Variants in VPS45 observed in about 807,000 individuals in gnomAD.
The protein encoded by VPS45 is vacuolar protein sorting-associated protein 45.
Under a neutral mutation model 75.9 loss-of-function variants are expected in VPS45, and 35 were observed. That is an observed-to-expected ratio of 0.46 (90% CI 0.35 to 0.61). The LOEUF (loss-of-function observed/expected upper bound fraction) is 0.61. Ranked by LOEUF, VPS45 falls within the 20% of genes least tolerant of loss-of-function variation. VPS45 has a pLI of 0.00. For synonymous variants in VPS45, 220 were observed against 238.2 expected (o/e 0.92, Z 0.70); for missense variants, 559 against 685.9 (o/e 0.81, Z 2.07).
chr1:150,095,224 G>C (rs972990549), intron 13 of VPS45, among the ~76,000 whole-genome samples: 2 of 152,186 alleles, frequency 1.3e-5, no homozygotes, highest in African/African-American at 4.8e-5. Flanking sequence ...TAAATAGGGT[G>C]ATGAGCTTCA....
chr1:150,126,978 A>G (rs1658553397), intron 14 of VPS45, among the ~76,000 whole-genome samples: 1 of 152,236 alleles, frequency 6.6e-6, no homozygotes, highest in South Asian at 2.1e-4. Flanking sequence ...ATTTAATGCC[A>G]TGCCCCAGAA....
chr1:150,083,433 T>C (rs1553799955), intron 10 of VPS45: 1 of 152,008 alleles, frequency 6.6e-6, no homozygotes, highest in Admixed American at 6.6e-5. Flanking sequence ...CACATTACAG[T>C]AGGGGAGAAA....
chr1:150,087,478 C>T (rs1656077730), intron 10 of VPS45, among the ~76,000 whole-genome samples: 1 of 152,152 alleles, frequency 6.6e-6, no homozygotes, highest in African/African-American at 2.4e-5. Context: ...ATAAATACTA[C>T]CGTGTAGCAT....
At chr1:150,132,859 T>C (rs1658899281) in intron 14 of VPS45, among the ~76,000 whole-genome samples, 1 of 152,192 alleles carries the variant, frequency 6.6e-6, no homozygotes, top group South Asian at 2.1e-4. Flanking sequence ...TTCATACCAT[T>C]GTTGTGATGA....
chr1:150,087,313 A>ACTT (rs1553800927), intron 10 of VPS45, among the ~76,000 whole-genome samples: 1 of 152,236 alleles, frequency 6.6e-6, no homozygotes, highest in African/African-American at 2.4e-5. Flanking sequence ...AAGGTTTTCG[A>ACTT]ATCCTGTCTT....
intron 10 of VPS45, among the ~76,000 whole-genome samples, chr1:150,088,648 T>C (rs989855048): frequency 6.6e-6 from 1 of 151,640 alleles, no homozygotes; most frequent in Non-Finnish European, 1.5e-5. Flanking sequence ...CCCAGCTAAT[T>C]TTTGTATTTT....
chr1:150,115,034 A>T (rs1427672688), intron 14 of VPS45, among the ~76,000 whole-genome samples: 1 of 152,192 alleles, frequency 6.6e-6, no homozygotes, highest in Middle Eastern at 3.2e-3. Flanking sequence ...AAGTAAGACA[A>T]CAATGGAATG....
At chr1:150,088,193 T>C (rs1293702870) in intron 10 of VPS45, among the ~76,000 whole-genome samples, 12 of 152,102 alleles carry the variant, frequency 7.9e-5, no homozygotes, top group African/African-American at 2.4e-4. Flanking sequence ...ACTGTAGCTT[T>C]GTACCTATTA....
At chr1:150,110,409 G>T in intron 13 of VPS45, 87 bp from the exon 14 acceptor site, 3 of 1,151,180 alleles carry the variant, frequency 2.6e-6, no homozygotes, top group South Asian at 2.1e-5. Flanking sequence ...CAAAAAAAAA[G>T]ATTTAGAAAT....
At chr1:150,071,068 T>G (rs587647048) in intron 2 of VPS45, among the ~76,000 whole-genome samples, 1 of 152,238 alleles carries the variant, frequency 6.6e-6, no homozygotes, top group South Asian at 2.1e-4. Context: ...TAAATCTAAA[T>G]TACAATTTTT....
rs782439655 is a variant in VPS45 at position 150,092,324 on chromosome 1, A to G, written c.1286A>G (p.Tyr429Cys). 1 of 1,614,144 alleles carries G rather than the reference A, an allele frequency of 6.2e-7. No individual in the cohort carries two copies. Among genetic ancestry groups the G allele is most frequent in the Non-Finnish European group, 8.5e-7 (1 of 1,180,012 alleles). ...YRKLVSAVVEYGGKRVRGSDL... is the reference protein window; with the variant it reads ...YRKLVSAVVECGGKRVRGSDL... Reference sequence around the variant, plus strand: ...TAGCTCGTGTCTGCAGTTGTTGAATATGGTGGTAAACGAGTCAGAGGAAGT... The same window carrying G: ...TAGCTCGTGTCTGCAGTTGTTGAATGTGGTGGTAAACGAGTCAGAGGAAGT... The change falls in exon 12 of 15, where the codon TAT (tyrosine) becomes TGT (cysteine). Residue 429 changes from tyrosine to cysteine, a missense_variant. Transcript: ENST00000644510.
intron 13 of VPS45, chr1:150,109,592 C>T (rs587733452): frequency 1.3e-5 from 2 of 152,166 alleles, no homozygotes; most frequent in Admixed American, 1.3e-4. Context: ...ACATTCAAAA[C>T]GGATGCTTCT....
At chr1:150,109,500 A>G (rs1375216310) in intron 13 of VPS45, 1 of 152,160 alleles carries the variant, frequency 6.6e-6, no homozygotes, top group Non-Finnish European at 1.5e-5. Flanking sequence ...AAGGAAATGT[A>G]GGGTTGGGGT....
intron 2 of VPS45, among the ~76,000 whole-genome samples, chr1:150,071,907 T>C (rs587645011): frequency 6.6e-6 from 1 of 151,758 alleles, no homozygotes; most frequent in Admixed American, 6.6e-5. Flanking sequence ...TCCTTTATAT[T>C]CTTTATCTTA....
intron 3 of VPS45, among the ~76,000 whole-genome samples, chr1:150,073,052 G>A (rs1465299753): frequency 6.6e-6 from 1 of 152,100 alleles, no homozygotes; most frequent in South Asian, 2.1e-4. Context: ...CTTGGAGTGG[G>A]GGTTAGGTAG....
chr1:150,083,954 A>G (rs1485488158), intron 10 of VPS45, among the ~76,000 whole-genome samples: 1 of 152,142 alleles, frequency 6.6e-6, no homozygotes. Flanking sequence ...CACAAGAAAA[A>G]ATTAGATAAT....
chr1:150,119,634 A>G (rs587744403), intron 14 of VPS45, among the ~76,000 whole-genome samples: 2 of 152,320 alleles, frequency 1.3e-5, no homozygotes, highest in East Asian at 3.9e-4. Flanking sequence ...CATGTCTTAC[A>G]TGTCTTACAT....
intron 13 of VPS45, 97 bp from the exon 14 acceptor site, chr1:150,110,399 C>A (rs1476019400): frequency 1.1e-5 from 9 of 816,646 alleles, no homozygotes; most frequent in African/African-American, 1.8e-5. Context: ...CTTCCTCCAC[C>A]AAAAAAAAAG....
chr1:150,081,843 G>T (rs782391099), intron 8 of VPS45, 41 bp from the exon 9 acceptor site: 2 of 1,237,488 alleles, frequency 1.6e-6, no homozygotes, highest in Non-Finnish European at 2.3e-6. Context: ...CTGAAAGTCA[G>T]ACTAGTTGAT....
Sources: gnomAD v4.1 joint callset for allele counts (sites outside exome capture counted in the v4.1 genomes callset) on GRCh38, gnomAD v4.1.1 for gene constraint, MANE v1.5 for transcripts, NCBI Gene and HGNC (gene_info 2026-07-23, HGNC 2026-07-21) for gene names.